Variants in ABTB2 observed in about 807,000 individuals in gnomAD.
ABTB2 encodes ankyrin repeat and BTB/POZ domain-containing protein 2.
ABTB2 carries 56 observed loss-of-function variants against 104.1 expected under a neutral mutation model. That is an observed-to-expected ratio of 0.54 (90% CI 0.43 to 0.67). The LOEUF is 0.67. Ranked by LOEUF, ABTB2 falls within the 30% of genes least tolerant of loss-of-function variation. The probability of loss-of-function intolerance (pLI) is 0.00; values close to 1 mark genes in which losing one functional copy is unlikely to be tolerated. For missense variants in ABTB2, 1,279 were observed against 1,407.7 expected (o/e 0.91, Z 1.46); for synonymous variants, 606 against 608.2 (o/e 1.00, Z 0.05).
Position 34,160,908 on chromosome 11 carries a change from T to C in ABTB2, c.2392A>G (p.Ser798Gly). Residue 798 changes from serine (S) to glycine (G), a missense_variant, in exon 11 of 17, where the codon AGC (serine) becomes GGC (glycine). Transcript: ENST00000435224. ...LQLMFDILKT[S>G]KNDSVIQQLA... ...TGGCCACTGGCCACACTTACTTTGCTGGTCTTGAGGATGTCGAACATGAGC... is the reference window on the plus strand; with the variant it reads ...TGGCCACTGGCCACACTTACTTTGCCGGTCTTGAGGATGTCGAACATGAGC... The C allele has an allele frequency of 1.2e-6, 2 of 1,602,626 alleles. No homozygotes were observed. Among genetic ancestry groups the C allele is most frequent in the Non-Finnish European group, 1.7e-6 (2 of 1,173,174 alleles).
At position 34,154,436 on chromosome 11, in the gene ABTB2, G is replaced by T; in HGVS notation, c.2767-58C>A. On this transcript the variant is annotated intron_variant, in intron 15 of 16. Coordinates refer to ENST00000435224, the MANE Select transcript of ABTB2 (RefSeq NM_145804.3). This position sits in a 1 kb window ranked among gnomAD's most constrained non-coding sequence, Gnocchi z 4.9. ...CATGGCCAGACCAGTGGCCCAGACA[G>T]CACCGAACAGAAAGCTCCCGAGTGC... 1 of 1,285,472 alleles carries T rather than the reference G, an allele frequency of 7.8e-7. No individual in the cohort carries two copies. Among genetic ancestry groups the T allele is most frequent in the East Asian group, 2.4e-5 (1 of 40,850 alleles). 79.6% of individuals were successfully genotyped at this position (1,285,472 alleles called of 1,614,324 possible).
At chr11:34,272,879 ACTGT>A (rs929881814) in intron 1 of ABTB2, among the ~76,000 whole-genome samples, 31 of 152,010 alleles carry the variant, frequency 2.0e-4, no homozygotes, top group Non-Finnish European at 5.9e-5. Context: ...CTAATTCCAG[ACTGT>A]CTGAGTTCTA....
intron 1 of ABTB2, 75 bp from the exon 2 acceptor site, chr11:34,204,765 AG>A: frequency 6.6e-7 from 1 of 1,505,804 alleles, no homozygotes; most frequent in Non-Finnish European, 9.0e-7. Context: ...TGCTGCAGGC[AG>A]GGCTCAGCCC....
intron 1 of ABTB2, among the ~76,000 whole-genome samples, chr11:34,223,361 T>A (rs1853648987): frequency 6.6e-6 from 1 of 152,098 alleles, no homozygotes; most frequent in Non-Finnish European, 1.5e-5. Context: ...AGAGAGGAAG[T>A]CTGTACCCCA....
chr11:34,295,092 G>T (rs1028429734), intron 1 of ABTB2, among the ~76,000 whole-genome samples: 1 of 152,150 alleles, frequency 6.6e-6, no homozygotes, highest in Non-Finnish European at 1.5e-5. Context: ...GCTGAGATGG[G>T]AGAATCACTT....
intron 1 of ABTB2, among the ~76,000 whole-genome samples, chr11:34,350,693 A>T (rs1411380385): frequency 6.6e-6 from 1 of 152,202 alleles, no homozygotes; most frequent in Non-Finnish European, 1.5e-5. Flanking sequence ...GTGTCTGGAC[A>T]CCATAGGCCA....
rs147317165 is a variant in ABTB2, at chr11:34,348,994, A to G, written c.883+7707T>C. Among the ~76,000 whole-genome samples the G allele has an allele frequency of 2.6e-4, 40 of 152,276 alleles. 1 individual carries two copies. Among genetic ancestry groups the G allele is most frequent in the Admixed American group, 2.6e-3 (40 of 15,292 alleles). ...GCACTCAGTGAGCAGTTGATTAATGATGCCGGCATGGCATTCCTCAGGAGT... is the reference window on the plus strand; with the variant it reads ...GCACTCAGTGAGCAGTTGATTAATGGTGCCGGCATGGCATTCCTCAGGAGT... On this transcript the variant is annotated intron_variant, in intron 1 of 16. Coordinates refer to ENST00000435224, the MANE Select transcript of ABTB2 (RefSeq NM_145804.3).
chr11:34,279,844 A>G (rs1475839465), intron 1 of ABTB2, among the ~76,000 whole-genome samples: 2 of 138,414 alleles, frequency 1.4e-5, no homozygotes, highest in Non-Finnish European at 3.0e-5. Context: ...GCTGGAGTGC[A>G]ATGGTGCGAT....
rs2955950 is a variant in ABTB2, at chr11:34,232,467, T to A, written c.884-27777A>T. On this transcript the variant is annotated intron_variant, in intron 1 of 16. Transcript: ENST00000435224. ...TCTGTCTCAAAAAAAAAAAAAAAAA[T>A]TGTTCTTAAATGAGACATTTAAATC... Among the ~76,000 whole-genome samples, 36 of 141,780 alleles carry A rather than the reference T, an allele frequency of 2.5e-4. 3 individuals carry two copies. Among genetic ancestry groups the A allele is most frequent in the Non-Finnish European group, 3.7e-4 (24 of 64,662 alleles). The allele number at this position is 141,780 out of a possible 152,430, so 93.0% of individuals were successfully genotyped here. A position where few individuals can be genotyped will look rare whatever the true frequency, so the allele number is the denominator to read the frequency against.
chr11:34,235,330 A>T (rs1252775391), intron 1 of ABTB2, among the ~76,000 whole-genome samples: 2 of 152,146 alleles, frequency 1.3e-5, no homozygotes, highest in East Asian at 3.8e-4. Flanking sequence ...TCTGACCATG[A>T]CCCGGGGTAA....
intron 1 of ABTB2, among the ~76,000 whole-genome samples, chr11:34,270,630 G>C (rs1332772635): frequency 6.6e-6 from 1 of 152,132 alleles, no homozygotes; most frequent in Non-Finnish European, 1.5e-5. Flanking sequence ...GTGAGCCACC[G>C]TGCCCAGCCT....
At chr11:34,279,824 C>T (rs1184271812) in intron 1 of ABTB2, among the ~76,000 whole-genome samples, 3 of 98,554 alleles carry the variant, frequency 3.0e-5, no homozygotes, top group Admixed American at 1.4e-4. Flanking sequence ...GTTTTGCTTT[C>T]GTCACCCAGG....
chr11:34,270,385 G>T (rs1325867211), intron 1 of ABTB2, among the ~76,000 whole-genome samples: 1 of 150,930 alleles, frequency 6.6e-6, no homozygotes, highest in Non-Finnish European at 1.5e-5. Flanking sequence ...TGTTGCCCAG[G>T]CTGGAGTGCA....
intron 1 of ABTB2, among the ~76,000 whole-genome samples, chr11:34,354,887 A>C (rs766199485): frequency 4.0e-5 from 6 of 151,756 alleles, no homozygotes; most frequent in Middle Eastern, 3.4e-3. Context: ...CCAAAAGTAC[A>C]GAACTCTTTC....
At chr11:34,245,457 G>T (rs771814210) in intron 1 of ABTB2, among the ~76,000 whole-genome samples, 7 of 152,252 alleles carry the variant, frequency 4.6e-5, no homozygotes, top group Non-Finnish European at 1.0e-4. Context: ...CTCAGGCAGT[G>T]CTTGGCTGTG....
intron 1 of ABTB2, among the ~76,000 whole-genome samples, chr11:34,293,321 GGGCTGAGGGCAGCGTCCT>G (rs927426865): frequency 1.4e-4 from 21 of 152,072 alleles, no homozygotes; most frequent in South Asian, 4.2e-4. Flanking sequence ...AGGAGAGTTG[GGGCTGAGGGCAGCGTCCT>G]GGCTGAGGGC....
intron 1 of ABTB2, among the ~76,000 whole-genome samples, chr11:34,234,067 G>T (rs1853809146): frequency 6.6e-6 from 1 of 152,150 alleles, no homozygotes; most frequent in South Asian, 2.1e-4. Context: ...CCTGAAGCAG[G>T]GCCAAGCTGG....
chr11:34,164,795 G>C lies in ABTB2; in HGVS notation c.1879C>G (p.Leu627Val). Residue 627 changes from leucine (L) to valine (V), a missense_variant, in exon 9 of 17, where the codon CTG becomes GTG. Physicochemically the swap from Leu to Val is conservative, Grantham distance 32. Transcript: ENST00000435224. ...AGNYELVSLL[L>V]SRGADPLLSM... ...AGGAGGGGGTCGGCGCCTCGGCTCA[G>C]CAACAAACTGACCAGCTCATAGTTC... 1 of 1,581,662 alleles carries C rather than the reference G, an allele frequency of 6.3e-7. No individual in the cohort carries two copies. Among genetic ancestry groups the C allele is most frequent in the African/African-American group, 1.4e-5 (1 of 72,294 alleles).
intron 1 of ABTB2, chr11:34,336,023 C>G: frequency 2.1e-6 from 1 of 466,458 alleles, no homozygotes. Context: ...GGGGACAGTT[C>G]ACTAAATAGC....
Sources: allele counts gnomAD v4.1 joint callset (sites outside exome capture counted in the v4.1 genomes callset), GRCh38; gene constraint gnomAD v4.1.1; non-coding constraint Gnocchi (gnomAD v3.1); transcripts MANE v1.5; gene names NCBI Gene and HGNC (gene_info 2026-07-23, HGNC 2026-07-21).